MKLN1: variants seen among roughly 807,000 people sequenced by gnomAD.
MKLN1 encodes the protein muskelin.
In MKLN1, 18 loss-of-function variants were observed where a neutral mutation model predicts 99.0. The ratio of observed to expected loss-of-function variants is 0.18; its 90% CI spans 0.13 to 0.27. The LOEUF (loss-of-function observed/expected upper bound fraction) is 0.27. Among genes scored for constraint, MKLN1 ranks in the 10% least tolerant of loss-of-function variants. The pLI is 1.00. For synonymous variants in MKLN1, 288 were observed against 293.2 expected (o/e 0.98, Z 0.18); for missense variants, 621 against 875.9 (o/e 0.71, Z 3.67).
chr7:131,176,178 G>A (rs886618650), intron 2 of MKLN1, among the ~76,000 whole-genome samples: 5 of 151,666 alleles, frequency 3.3e-5, no homozygotes, highest in African/African-American at 4.8e-5. Context: ...TAATTTATAC[G>A]AAATAATAAT....
intron 2 of MKLN1, among the ~76,000 whole-genome samples, chr7:131,192,829 TGTGCCCG>T (rs1208846387): frequency 1.3e-5 from 2 of 152,062 alleles, no homozygotes; most frequent in Non-Finnish European, 2.9e-5. Context: ...CATGAGCCAC[TGTGCCCG>T]GCCTGCTGTG....
At chr7:131,166,678 T>C (rs1179017575) in intron 2 of MKLN1, among the ~76,000 whole-genome samples, 1 of 152,184 alleles carries the variant, frequency 6.6e-6, no homozygotes, top group East Asian at 1.9e-4. Flanking sequence ...TTGGCTCTTA[T>C]TCAAATATGT....
intron 1 of MKLN1, among the ~76,000 whole-genome samples, chr7:131,359,937 T>G (rs1048951085): frequency 1.1e-4 from 17 of 151,976 alleles, no homozygotes; most frequent in South Asian, 8.3e-4. Context: ...TTAAAACATG[T>G]ACTTTTTTAC....
intron 2 of MKLN1, among the ~76,000 whole-genome samples, chr7:131,384,219 C>T (rs1346777932): frequency 9.9e-6 from 1 of 101,380 alleles, no homozygotes; most frequent in Non-Finnish European, 1.8e-5. Flanking sequence ...ATGGTCCCTC[C>T]CCCCACCCCC....
intron 15 of MKLN1, among the ~76,000 whole-genome samples, chr7:131,469,027 G>A (rs1796743352): frequency 6.6e-6 from 1 of 152,136 alleles, no homozygotes; most frequent in Admixed American, 6.5e-5. Flanking sequence ...TAGTAGCCAG[G>A]TGCTACTGTA....
At chr7:131,466,937 A>G (rs569368150) in intron 15 of MKLN1, among the ~76,000 whole-genome samples, 61 of 152,156 alleles carry the variant, frequency 4.0e-4, no homozygotes, top group Admixed American at 1.8e-3. Flanking sequence ...GCGCGCGCGC[A>G]CACACGCACG....
intron 12 of MKLN1, among the ~76,000 whole-genome samples, chr7:131,452,427 C>T (rs979818654): frequency 2.0e-5 from 3 of 151,736 alleles, no homozygotes; most frequent in Non-Finnish European, 2.9e-5. Flanking sequence ...TTATGAAAAC[C>T]TTAAAAGCAA....
chr7:131,368,390 T>A (rs1366116187), intron 1 of MKLN1, among the ~76,000 whole-genome samples: 1 of 152,198 alleles, frequency 6.6e-6, no homozygotes, highest in Non-Finnish European at 1.5e-5. Flanking sequence ...CACACTGTTA[T>A]AAAGAACTAC....
At chr7:131,285,266 T>C (rs1329677304) in intron 3 of MKLN1, among the ~76,000 whole-genome samples, 1 of 152,220 alleles carries the variant, frequency 6.6e-6, no homozygotes, top group Admixed American at 6.5e-5. Flanking sequence ...TGAGGAGTGA[T>C]GTGAAGGTCA....
chr7:131,243,054 A>G lies in MKLN1; in HGVS notation c.-179+40080A>G, dbSNP rs186972742. The G allele has an allele frequency of 5.8e-3, 3,056 of 523,342 alleles. 15 individuals are homozygous for G. Among genetic ancestry groups the G allele is most frequent in the Non-Finnish European group, 9.5e-3 (2,647 of 277,394 alleles). The allele number at this position is 523,342 out of a possible 1,614,324, so 32.4% of individuals were successfully genotyped here. ...AAACAGAAAAAAAAAAGGAAAGTTCACAGATGGCCAAACTTTTCCACAGCC... is the reference window on the plus strand; with the variant it reads ...AAACAGAAAAAAAAAAGGAAAGTTCGCAGATGGCCAAACTTTTCCACAGCC... On this transcript the variant is annotated intron_variant, in intron 3 of 7. Transcript: ENST00000416992.
chr7:131,154,968 A>C (rs1176241425), intron 2 of MKLN1, among the ~76,000 whole-genome samples: 2 of 152,192 alleles, frequency 1.3e-5, no homozygotes, highest in African/African-American at 4.8e-5. Flanking sequence ...GATTCACTGC[A>C]TTAATAGTTA....
rs1027213965 is a variant in MKLN1 at position 131,158,836 on chromosome 7, T to C, written c.-297+15895T>C. Among the ~76,000 whole-genome samples the C allele has an allele frequency of 2.2e-4, 33 of 152,068 alleles. 1 individual carries two copies. The highest frequency in any genetic ancestry group is 7.2e-4 in the African/African-American group (30 of 41,392). ...ACCATTTGTTCATTCACTCAGAAAG[T>C]GTGATGGGGTGCATTGTCTGTGCTA... On this transcript the variant is annotated intron_variant, in intron 2 of 7. Coordinates refer to the MKLN1 transcript ENST00000416992.
At chr7:131,229,347 GCCCATCCCCCAC>G (rs1223511038) in intron 3 of MKLN1, among the ~76,000 whole-genome samples, 1 of 151,490 alleles carries the variant, frequency 6.6e-6, no homozygotes, top group African/African-American at 2.4e-5. Flanking sequence ...AGTGTGTGAT[GCCCATCCCCCAC>G]CCCCACACCC....
intron 3 of MKLN1, among the ~76,000 whole-genome samples, chr7:131,247,235 C>CTTTTTTTTTTTTTTT (rs72068521): frequency 1.1e-4 from 15 of 141,168 alleles, no homozygotes; most frequent in Non-Finnish European, 1.4e-4. Context: ...TTTCTTTTTT[C>CTTTTTTTTTTTTTTT]TTTTTTTTTT....
chr7:131,398,641 A>G (rs529999068), intron 5 of MKLN1, among the ~76,000 whole-genome samples: 1 of 152,148 alleles, frequency 6.6e-6, no homozygotes, highest in South Asian at 2.1e-4. Context: ...CAGTGAGCTG[A>G]GATTATGCCG....
Position 131,365,594 on chromosome 7 carries a change from T to C in MKLN1, c.99-9830T>C, listed in dbSNP as rs370612611. The stretch of plus-strand genomic sequence containing the variant: ...GCTTTGGGTTTTACATTTAAGTCTT[T>C]AATCTATCTCGAGTTGATTTTTGTA... On this transcript the variant is annotated intron_variant, in intron 1 of 17. Coordinates refer to ENST00000352689, the MANE Select transcript of MKLN1 (RefSeq NM_013255.5). 1.3e-4 allele frequency among the ~76,000 whole-genome samples: 20 copies of C among 152,206 alleles called. No individual in the cohort carries two copies. The East Asian group carries it at 2.1e-3, about 16-fold the overall frequency.
At chr7:131,245,274 T>C (rs1323638833) in intron 3 of MKLN1, among the ~76,000 whole-genome samples, 1 of 150,746 alleles carries the variant, frequency 6.6e-6, no homozygotes, top group Non-Finnish European at 1.5e-5. Context: ...CGGTCTTTTT[T>C]TTTTTTTTTT....
intron 3 of MKLN1, among the ~76,000 whole-genome samples, chr7:131,236,660 C>A (rs1797325855): frequency 1.3e-5 from 2 of 150,904 alleles, no homozygotes; most frequent in Non-Finnish European, 3.0e-5. Flanking sequence ...GATTCCATCT[C>A]AAAAAAAAAT....
Position 131,161,144 on chromosome 7 carries a change from A to C in MKLN1, c.-297+18203A>C, listed in dbSNP as rs1008119939. ...TAAAGAGCTCAAGCTTGAGCAGTGG[A>C]ACCTCTCCAGGTACTTCTAAGAGCA... On this transcript the variant is annotated intron_variant, in intron 2 of 7. Transcript: ENST00000416992. Among the ~76,000 whole-genome samples the C allele has an allele frequency of 1.4e-4, 21 of 152,198 alleles. 1 individual carries two copies. Among genetic ancestry groups the C allele is most frequent in the African/African-American group, 4.8e-4 (20 of 41,444 alleles).
Sources: allele counts gnomAD v4.1 joint callset (sites outside exome capture counted in the v4.1 genomes callset), GRCh38; gene constraint gnomAD v4.1.1; transcripts MANE v1.5; gene names NCBI Gene and HGNC (gene_info 2026-07-23, HGNC 2026-07-21).